ADGRL3: variants seen among roughly 807,000 people sequenced by gnomAD.
ADGRL3 encodes the protein adhesion G protein-coupled receptor L3.
Under a neutral mutation model 153.5 loss-of-function variants are expected in ADGRL3, and 62 were observed. The observed-to-expected ratio is 0.40, with a 90% CI of 0.33 to 0.50. The LOEUF (loss-of-function observed/expected upper bound fraction) is 0.50, where lower values mean the gene tolerates loss of function less well. Ranked by LOEUF, ADGRL3 falls within the 20% of genes least tolerant of loss-of-function variation. The probability of loss-of-function intolerance (pLI) is 0.47; values close to 1 mark genes in which losing one functional copy is unlikely to be tolerated. For missense variants in ADGRL3, 1,641 were observed against 1,859.4 expected (o/e 0.88, Z 2.16); for synonymous variants, 710 against 672.5 (o/e 1.06, Z -0.86).
At chr4:61,662,153 A>G (rs932625467) in intron 5 of ADGRL3, among the ~76,000 whole-genome samples, 1 of 152,194 alleles carries the variant, frequency 6.6e-6, no homozygotes, top group African/African-American at 2.4e-5. Context: ...AGGAGGCAGG[A>G]CAGGAGCCTC....
intron 8 of ADGRL3, among the ~76,000 whole-genome samples, chr4:61,758,097 A>G (rs1235723076): frequency 1.3e-5 from 2 of 152,132 alleles, no homozygotes; most frequent in Non-Finnish European, 2.9e-5. Flanking sequence ...TGTATATTCT[A>G]TTGATTTGGG....
chr4:62,016,645 T>A (rs2099213224), intron 21 of ADGRL3, among the ~76,000 whole-genome samples: 1 of 152,216 alleles, frequency 6.6e-6, no homozygotes, highest in Non-Finnish European at 1.5e-5. Context: ...TGATCATCTC[T>A]TGCAAAACTG....
At chr4:61,742,655 C>G (rs530100729) in intron 8 of ADGRL3, among the ~76,000 whole-genome samples, 1 of 152,216 alleles carries the variant, frequency 6.6e-6, no homozygotes, top group African/African-American at 2.4e-5. Context: ...TTTTTAAGCA[C>G]AAAGGTATTT....
chr4:61,522,726 G>A (rs772653076), intron 4 of ADGRL3, among the ~76,000 whole-genome samples: 22 of 152,166 alleles, frequency 1.4e-4, no homozygotes, highest in South Asian at 2.1e-4. Context: ...AAACCTGTAA[G>A]CCAGAAGGCC....
chr4:61,745,468 G>A (rs1274446708), intron 8 of ADGRL3, among the ~76,000 whole-genome samples: 3 of 152,108 alleles, frequency 2.0e-5, no homozygotes, highest in Non-Finnish European at 4.4e-5. Flanking sequence ...AGAAAGGCAG[G>A]GTTACCCACA....
chr4:61,575,020 A>G (rs1440083659), intron 4 of ADGRL3, among the ~76,000 whole-genome samples: 2 of 151,890 alleles, frequency 1.3e-5, no homozygotes, highest in African/African-American at 4.8e-5. Context: ...AAATCTCTTT[A>G]AAAATGTCAG....
At chr4:62,033,332 A>T (rs1723207292) in intron 23 of ADGRL3, among the ~76,000 whole-genome samples, 1 of 151,828 alleles carries the variant, frequency 6.6e-6, no homozygotes, top group Non-Finnish European at 1.5e-5. Context: ...AACATAGTAT[A>T]GCTTTTTTAG....
chr4:61,750,029 A>C lies in ADGRL3; in HGVS notation c.1399+16475A>C, dbSNP rs115285088. ...CTTTTTTTATTCCTTTCTTTCCTTC[A>C]GACAGGTACTATGTCTTTAAGTGGA... On this transcript the variant is annotated intron_variant, in intron 8 of 26. Coordinates refer to ENST00000683033, the MANE Select transcript of ADGRL3 (RefSeq NM_001387552.1). Among the ~76,000 whole-genome samples the C allele has an allele frequency of 9.4e-3, 1,428 of 152,140 alleles. 31 individuals are homozygous for C. Among genetic ancestry groups the C allele is most frequent in the African/African-American group, 0.033 (1,353 of 41,518 alleles).
At chr4:61,266,396 G>A (rs1005236955) in intron 1 of ADGRL3, among the ~76,000 whole-genome samples, 1 of 151,796 alleles carries the variant, frequency 6.6e-6, no homozygotes, top group Non-Finnish European at 1.5e-5. Flanking sequence ...ACAAACAGCT[G>A]ACTTATATTT....
At chr4:61,783,210 C>T (rs921740717) in intron 8 of ADGRL3, among the ~76,000 whole-genome samples, 5 of 152,092 alleles carry the variant, frequency 3.3e-5, no homozygotes, top group African/African-American at 1.2e-4. Context: ...TTAAGGGATT[C>T]TGTGACTCAT....
intron 1 of ADGRL3, among the ~76,000 whole-genome samples, chr4:61,218,100 C>T (rs1743698243): frequency 6.6e-6 from 1 of 151,990 alleles, no homozygotes; most frequent in Non-Finnish European, 1.5e-5. Flanking sequence ...TTATTTGGAA[C>T]AAATTATTTA....
rs376388884 is a variant in ADGRL3, at chr4:61,733,110, G to A, written c.955G>A (p.Asp319Asn). ...TATCATAGCAAATGCCAATTACCAT[G>A]ATACCTCCCCTTACCGATGGGGAGG... The part of the protein sequence containing the change: ...EAIIANANYH[D>N]TSPYRWGGKS... The change falls in exon 8 of 27, where the codon GAT becomes AAT. Residue 319 changes from aspartate to asparagine, a missense_variant. Asp to Asn is a conservative substitution (Grantham distance 23). Coordinates refer to ENST00000683033, the MANE Select transcript of ADGRL3 (RefSeq NM_001387552.1). 1.2e-4 allele frequency: 197 copies of A among 1,613,394 alleles called. 3 individuals are homozygous for A. Among genetic ancestry groups the A allele is most frequent in the South Asian group, 1.2e-3 (107 of 91,012 alleles).
At chr4:61,357,895 C>A in intron 1 of ADGRL3, among the ~76,000 whole-genome samples, 1 of 152,064 alleles carries the variant, frequency 6.6e-6, no homozygotes, top group East Asian at 1.9e-4. Context: ...AAGGAAACTT[C>A]AAGGTTTAAA....
chr4:61,277,731 G>A (rs1332415159), intron 1 of ADGRL3, among the ~76,000 whole-genome samples: 1 of 152,050 alleles, frequency 6.6e-6, no homozygotes, highest in Non-Finnish European at 1.5e-5. Context: ...ATAGGATAAT[G>A]ATATCTATCC....
intron 17 of ADGRL3, among the ~76,000 whole-genome samples, chr4:61,972,705 G>T (rs1178008317): frequency 6.6e-6 from 1 of 152,048 alleles, no homozygotes; most frequent in East Asian, 1.9e-4. Context: ...AAAGTCATTG[G>T]TAGCTTGATG....
intron 5 of ADGRL3, among the ~76,000 whole-genome samples, chr4:61,598,782 AC>A (rs1189574042): frequency 3.9e-5 from 6 of 152,208 alleles, no homozygotes; most frequent in Non-Finnish European, 8.8e-5. Flanking sequence ...CAAAAAGCTT[AC>A]TTTTTTCATT....
intron 9 of ADGRL3, among the ~76,000 whole-genome samples, chr4:61,832,088 T>G (rs2097878165): frequency 6.6e-6 from 1 of 151,918 alleles, no homozygotes; most frequent in African/African-American, 2.4e-5. Flanking sequence ...TCACTGAACA[T>G]GAAATGACAA....
At position 61,597,288 on chromosome 4, in the gene ADGRL3, A is replaced by T. The variant is rs536614022; in HGVS notation, c.473+9848A>T. On this transcript the variant is annotated intron_variant, in intron 5 of 26. Coordinates refer to ENST00000683033, the MANE Select transcript of ADGRL3 (RefSeq NM_001387552.1). ...GAAAATATACTTCAAAAGTAATAAA[A>T]AGACAAGAAGGAGAGATAGTTGTTA... 5.9e-5 allele frequency among the ~76,000 whole-genome samples: 9 copies of T among 152,302 alleles called. 2 individuals are homozygous for T. The highest frequency in any genetic ancestry group is 2.2e-4 in the African/African-American group (9 of 41,584).
intron 1 of ADGRL3, among the ~76,000 whole-genome samples, chr4:61,372,916 G>C (rs568228385): frequency 6.6e-5 from 10 of 152,370 alleles, no homozygotes; most frequent in African/African-American, 2.4e-4. Context: ...CCAGGTGCGG[G>C]ATATAATCTC....
Sources: allele counts gnomAD v4.1 joint callset (sites outside exome capture counted in the v4.1 genomes callset), GRCh38; gene constraint gnomAD v4.1.1; transcripts MANE v1.5; gene names NCBI Gene and HGNC (gene_info 2026-07-23, HGNC 2026-07-21).